PCDHGB4: variants seen among roughly 807,000 people sequenced by gnomAD.
PCDHGB4 encodes the protein protocadherin gamma subfamily B, 4, also known as protocadherin gamma-B4.
Under a neutral mutation model 60.5 loss-of-function variants are expected in PCDHGB4, and 38 were observed. The ratio of observed to expected loss-of-function variants is 0.63; its 90% confidence interval spans 0.48 to 0.82. PCDHGB4 has a LOEUF of 0.82. PCDHGB4 is among the 40% of genes least tolerant of loss of function. PCDHGB4 has a pLI of 0.00. For synonymous variants in PCDHGB4, 456 were observed against 509.7 expected (o/e 0.89, Z 1.42); for missense variants, 1,109 against 1,209.6 (o/e 0.92, Z 1.23).
In PCDHGB4 at chr5:141,433,401, A is replaced by ATCTC. The variant is rs1554126038; in HGVS notation, c.2397+43123_2397+43124insCTCT. On this transcript the variant is annotated intron_variant, in intron 1 of 3. Transcript: ENST00000519479. ...TATCTATCTATCTATCTATCTATCT[A>ATCTC]TCTATTACTTTCTTGTACAGACAGG... Among the ~76,000 whole-genome samples, 677 of 150,598 alleles carry ATCTC rather than the reference A, an allele frequency of 4.5e-3. 6 individuals are homozygous for ATCTC. Among genetic ancestry groups the ATCTC allele is most frequent in the African/African-American group, 0.015 (630 of 40,958 alleles).
intron 1 of PCDHGB4, among the ~76,000 whole-genome samples, chr5:141,492,876 G>A (rs2099744774): frequency 6.6e-6 from 1 of 152,184 alleles, no homozygotes; most frequent in African/African-American, 2.4e-5. Context: ...TCAACCCCCA[G>A]AGATACAGGC....
intron 1 of PCDHGB4, chr5:141,414,552 C>G: frequency 6.2e-7 from 1 of 1,613,984 alleles, no homozygotes; most frequent in Non-Finnish European, 8.5e-7. Context: ...TCTCTCAAGT[C>G]TCCTACTTTA....
chr5:141,405,330 T>A, intron 1 of PCDHGB4: 1 of 1,614,206 alleles, frequency 6.2e-7, no homozygotes. Flanking sequence ...CCTTTGTGCG[T>A]CTCTGTTGAT....
rs143530538 is a variant in PCDHGB4 at position 141,490,323 on chromosome 5, G to A, written c.2398-4484G>A. 18 of 1,614,102 alleles carry A rather than the reference G, an allele frequency of 1.1e-5. No individual in the cohort carries two copies. Among genetic ancestry groups the A allele is most frequent in the Non-Finnish European group, 1.4e-5 (17 of 1,180,056 alleles). ...CCTCTTTGGCCAACCCTGTCCTAGA[G>A]AGCACACCAGTGGGCACAGTAGTGG... On this transcript the variant is annotated intron_variant, in intron 1 of 3. Transcript: ENST00000519479. This position sits in a 1 kb window ranked among gnomAD's most constrained non-coding sequence, Gnocchi z 5.4.
At chr5:141,422,997 C>A in intron 1 of PCDHGB4, 3 of 1,614,218 alleles carry the variant, frequency 1.9e-6, no homozygotes, top group Non-Finnish European at 2.5e-6. Flanking sequence ...ACCTGGTGAC[C>A]AAGGTGGTTG....
intron 1 of PCDHGB4, among the ~76,000 whole-genome samples, chr5:141,397,572 C>T (rs374731219): frequency 1.8e-4 from 27 of 152,196 alleles, no homozygotes; most frequent in Middle Eastern, 3.4e-3. Context: ...AGAGCAAGAA[C>T]TGTATCATAT....
At chr5:141,455,075 G>A (rs1050636999) in intron 1 of PCDHGB4, among the ~76,000 whole-genome samples, 2 of 151,830 alleles carry the variant, frequency 1.3e-5, no homozygotes, top group African/African-American at 4.8e-5. Context: ...GCCTCCCAAA[G>A]TGCTGGGATT....
intron 1 of PCDHGB4, chr5:141,433,169 C>T: frequency 6.2e-7 from 1 of 1,613,000 alleles, no homozygotes; most frequent in Non-Finnish European, 8.5e-7. Context: ...TAAAGACAGT[C>T]ATGGGTTAAT....
At position 141,491,891 on chromosome 5, in the gene PCDHGB4, G is replaced by T. The variant is rs1487484740; in HGVS notation, c.2398-2916G>T. On this transcript the variant is annotated intron_variant, in intron 1 of 3. Coordinates refer to ENST00000519479, the MANE Select transcript of PCDHGB4 (RefSeq NM_003736.4). This position sits in a 1 kb window ranked among gnomAD's most constrained non-coding sequence, Gnocchi z 6.9. ...GTGGCCGATTAAGGGATGGGGCTCC[G>T]AGCACCGGGGGTGGTGGCGACTGTG... 19 of 1,439,438 alleles carry T rather than the reference G, an allele frequency of 1.3e-5. No homozygotes were observed. The East Asian group carries it at 4.8e-4, about 36-fold the overall frequency. 89.2% of individuals were successfully genotyped at this position (1,439,438 alleles called of 1,614,324 possible). A position where few individuals can be genotyped will look rare whatever the true frequency, so the allele number is the denominator to read the frequency against.
In PCDHGB4 at chr5:141,490,304, T is replaced by G. The variant is rs2099698490; in HGVS notation, c.2398-4503T>G. On this transcript the variant is annotated intron_variant, in intron 1 of 3. Coordinates refer to ENST00000519479, the MANE Select transcript of PCDHGB4 (RefSeq NM_003736.4). This position sits in a 1 kb window ranked among gnomAD's most constrained non-coding sequence, Gnocchi z 5.4. ...GCCCCAGAGGTGCTATTGGCCTCTT[T>G]GGCCAACCCTGTCCTAGAGAGCACA... 1.2e-6 allele frequency: 2 copies of G among 1,614,026 alleles called. No homozygotes were observed. The highest frequency in any genetic ancestry group is 1.7e-5 in the Admixed American group (1 of 60,010).
rs1383616266 is a variant in PCDHGB4, at chr5:141,387,909, G to C, written c.25G>C (p.Gly9Arg). ...GATGGGGAGCGGCGCCGGGGAGCTG[G>C]GCCGGGCTGAGAGGCTGCCAGTGCT... MGSGAGEL[G>R]RAERLPVLFL... The change falls in exon 1 of 4, where the codon GGC (glycine) becomes CGC (arginine). Residue 9 changes from glycine to arginine, a missense_variant. By Grantham distance (125) the Gly-to-Arg change is moderately radical (BLOSUM62 -2). Around this residue, in one of 2 missense-constraint regions of PCDHGB4, gnomAD observed 41 missense variants for 119.7 expected, o/e 0.34. Transcript: ENST00000519479. 12 of 1,498,886 alleles carry C rather than the reference G, an allele frequency of 8.0e-6. No homozygotes were observed. Among genetic ancestry groups the C allele is most frequent in the Non-Finnish European group, 1.1e-5 (12 of 1,130,394 alleles). 92.8% of individuals were successfully genotyped at this position (1,498,886 alleles called of 1,614,324 possible).
intron 1 of PCDHGB4, among the ~76,000 whole-genome samples, chr5:141,467,055 C>CTTT (rs1193465269): frequency 2.2e-5 from 3 of 134,494 alleles, no homozygotes; most frequent in Admixed American, 7.5e-5. Context: ...TCAATGTTTT[C>CTTT]TTTTTTTTTT....
At position 141,491,023 on chromosome 5, in the gene PCDHGB4, G is replaced by A. The variant is rs773185039; in HGVS notation, c.2398-3784G>A. 17 of 1,613,990 alleles carry A rather than the reference G, an allele frequency of 1.1e-5. No individual in the cohort carries two copies. Among genetic ancestry groups the A allele is most frequent in the Admixed American group, 5.0e-5 (3 of 60,008 alleles). ...CTCCTTGGTCACCAAGGTGACAGCC[G>A]TGGATGCTGATGCAGGCCACAATGC... On this transcript the variant is annotated intron_variant, in intron 1 of 3. Coordinates refer to ENST00000519479, the MANE Select transcript of PCDHGB4 (RefSeq NM_003736.4). The surrounding 1 kb of genome is among the most constrained non-coding windows in gnomAD (Gnocchi z 6.9).
chr5:141,481,913 CAA>C (rs34114744), intron 1 of PCDHGB4, among the ~76,000 whole-genome samples: 12,059 of 90,730 alleles, frequency 0.13, 576 homozygotes, highest in African/African-American at 0.21. Flanking sequence ...AACTCCATCT[CAA>C]AAAAAAAAAA....
At chr5:141,420,406 T>C (rs2096494414) in intron 1 of PCDHGB4, 1 of 1,241,672 alleles carries the variant, frequency 8.1e-7, no homozygotes, top group Non-Finnish European at 1.1e-6. Context: ...AATTTATGGT[T>C]ATCATTATTA....
At chr5:141,392,728 G>T in intron 1 of PCDHGB4, 1 of 1,407,730 alleles carries the variant, frequency 7.1e-7, no homozygotes, top group Non-Finnish European at 9.3e-7. Context: ...CCGGAGGATT[G>T]TCATCTCCAT....
At chr5:141,404,321 T>A (rs764642673) in intron 1 of PCDHGB4, 7 of 1,613,764 alleles carry the variant, frequency 4.3e-6, no homozygotes, top group Non-Finnish European at 3.4e-6. Flanking sequence ...TCAAGCCTCC[T>A]ACTCAGTCTA....
chr5:141,427,711 A>G, intron 1 of PCDHGB4: 1 of 1,036,496 alleles, frequency 9.6e-7, no homozygotes. Context: ...AGCGCCTCTG[A>G]CCTGGACCTA....
rs549307445 is a variant in PCDHGB4, at chr5:141,400,703, G to T, written c.2397+10422G>T. On this transcript the variant is annotated intron_variant, in intron 1 of 3. Transcript: ENST00000519479. The stretch of plus-strand genomic sequence containing the variant: ...TTGTGAGTTTTTATGTCGCATAAAA[G>T]AAGTAGCCTTATAGATTTACAAAGT... 6 of 714,832 alleles carry T rather than the reference G, an allele frequency of 8.4e-6. No homozygotes were observed. In the Admixed American group the frequency reaches 1.4e-4, roughly 17 times the overall value. The allele number at this position is 714,832 out of a possible 1,614,324, so 44.3% of individuals were successfully genotyped here. A position where few individuals can be genotyped will look rare whatever the true frequency, so the allele number is the denominator to read the frequency against.
Sources: gnomAD v4.1 joint callset for allele counts (sites outside exome capture counted in the v4.1 genomes callset) on GRCh38, gnomAD v4.1.1 for gene constraint, gnomAD v4.1.1 regional missense constraint, Gnocchi (gnomAD v3.1) non-coding constraint, MANE v1.5 for transcripts, NCBI Gene and HGNC (gene_info 2026-07-23, HGNC 2026-07-21) for gene names.